The following MYOM2 variants were observed in gnomAD, a reference collection of about 807,000 sequenced individuals.
MYOM2 encodes the protein myomesin 2.
A neutral mutation model predicts 187.6 loss-of-function variants in MYOM2; 254 were observed. The observed-to-expected ratio is 1.35, with a 90% CI of 1.22 to 1.50. The LOEUF is 1.50. MYOM2 is among the 40% of genes most tolerant of loss of function. The pLI is 0.00. For synonymous variants in MYOM2, 981 were observed against 753.8 expected, an observed-to-expected ratio of 1.30 and a Z score of -4.94; for missense variants, 2,796 against 1,924.0, an observed-to-expected ratio of 1.45 and a Z score of -8.48.
At chr8:2,065,937 C>T (rs377518176) in intron 6 of MYOM2, among the ~76,000 whole-genome samples, 5 of 152,176 alleles carry the variant, frequency 3.3e-5, no homozygotes, top group Non-Finnish European at 7.3e-5. Flanking sequence ...GGGGGAGATT[C>T]CAGTTGAGAG....
intron 11 of MYOM2, 143 bp downstream of exon 11, chr8:2,076,425 A>G: frequency 8.9e-7 from 1 of 1,122,574 alleles, no homozygotes; most frequent in Non-Finnish European, 1.2e-6. Context: ...TGGTTGTATA[A>G]GTTCCTATTT....
At position 2,072,779 on chromosome 8, in the gene MYOM2, T is replaced by C. The variant is rs907915962; in HGVS notation, c.958+270T>C. Among the ~76,000 whole-genome samples the C allele has an allele frequency of 7.2e-5, 11 of 152,304 alleles. No individual in the cohort carries two copies. The South Asian group carries it at 2.3e-3, about 32-fold the overall frequency. ...TGACAGAAAGAATGATCTCGTGCCA[T>C]TTAGATTCAGTTTAATGCACATTAC... On this transcript the variant is annotated intron_variant, in intron 9 of 36. Coordinates refer to ENST00000262113, the MANE Select transcript of MYOM2 (RefSeq NM_003970.4).
intron 1 of MYOM2, among the ~76,000 whole-genome samples, chr8:2,047,573 C>T (rs553520271): frequency 2.9e-4 from 44 of 152,298 alleles, no homozygotes; most frequent in African/African-American, 8.9e-4. Flanking sequence ...TTGGCTGGCA[C>T]GTTGCAAGTG....
rs1818460671 is a variant in MYOM2, at chr8:2,050,855, A to G, written c.89A>G (p.Asp30Gly). The G allele has an allele frequency of 6.2e-7, 1 of 1,610,596 alleles. No homozygotes were observed. Among genetic ancestry groups the G allele is most frequent in the African/African-American group, 1.3e-5 (1 of 74,882 alleles). ...AATATTCAAACACGGTACCTGCTGG[A>G]CGAATATGCGTCAAAAAAGTAAGCT... ...YRNIQTRYLL[D>G]EYASKKRAST... Residue 30 changes from aspartate to glycine, a missense_variant, in exon 2 of 37, where the codon GAC becomes GGC. By Grantham distance (94) the Asp-to-Gly change is moderately conservative (BLOSUM62 -1). Transcript: ENST00000262113.
At chr8:2,080,379 C>T (rs796141792) in intron 13 of MYOM2, among the ~76,000 whole-genome samples, 1 of 152,200 alleles carries the variant, frequency 6.6e-6, no homozygotes, top group Non-Finnish European at 1.5e-5. Context: ...GATGGATCCC[C>T]AACTAGTATC....
intron 6 of MYOM2, among the ~76,000 whole-genome samples, chr8:2,066,951 C>G (rs760727865): frequency 2.0e-5 from 3 of 152,164 alleles, no homozygotes; most frequent in Non-Finnish European, 4.4e-5. Flanking sequence ...CCACGGTGAA[C>G]TAGAAGATAA....
At chr8:2,103,695 G>A (rs1238354364) in intron 21 of MYOM2, among the ~76,000 whole-genome samples, 1 of 151,472 alleles carries the variant, frequency 6.6e-6, no homozygotes, top group Non-Finnish European at 1.5e-5. Flanking sequence ...ATAAATGAGT[G>A]GGAGAGTGTG....
intron 8 of MYOM2, among the ~76,000 whole-genome samples, chr8:2,071,576 G>A (rs1204087739): frequency 6.6e-6 from 1 of 152,186 alleles, no homozygotes; most frequent in Non-Finnish European, 1.5e-5. Flanking sequence ...GTCTGGGGCT[G>A]AGGTTGGACT....
intron 32 of MYOM2, among the ~76,000 whole-genome samples, chr8:2,130,941 C>T (rs1040159478): frequency 7.9e-5 from 12 of 152,214 alleles, no homozygotes; most frequent in African/African-American, 2.9e-4. Context: ...GAGCTTCCTT[C>T]TTATTTACAG....
At chr8:2,057,575 G>A in intron 4 of MYOM2, 48 bp from the exon 5 acceptor site, 1 of 1,613,100 alleles carries the variant, frequency 6.2e-7, no homozygotes, top group East Asian at 2.2e-5. Flanking sequence ...CGAGGGTGGA[G>A]CTTGGCTCGC....
At chr8:2,113,475 G>A (rs1296115484) in intron 25 of MYOM2, among the ~76,000 whole-genome samples, 1 of 152,200 alleles carries the variant, frequency 6.6e-6, no homozygotes, top group Admixed American at 6.5e-5. Context: ...CTGGGGTGGG[G>A]CTTCTGTGCC....
chr8:2,051,604 A>G lies in MYOM2; in HGVS notation c.108-554A>G, dbSNP rs535988266. 1.3e-5 allele frequency among the ~76,000 whole-genome samples: 2 copies of G among 152,304 alleles called. 1 individual carries two copies. Among genetic ancestry groups the G allele is most frequent in the South Asian group, 4.1e-4 (2 of 4,832 alleles). On this transcript the variant is annotated intron_variant, in intron 2 of 36. Transcript: ENST00000262113. ...CATCCCTTGTGCCAAACAAAGCCAA[A>G]CATTTGCAGCCCCTCCCAGCAGCCT...
intron 32 of MYOM2, among the ~76,000 whole-genome samples, chr8:2,130,933 G>A (rs1049204657): frequency 5.9e-5 from 9 of 152,194 alleles, no homozygotes; most frequent in African/African-American, 1.9e-4. Context: ...GCATCTTTGA[G>A]CTTCCTTCTT....
At chr8:2,126,183 C>A (rs62478457) in intron 31 of MYOM2, among the ~76,000 whole-genome samples, 29,483 of 152,072 alleles carry the variant, frequency 0.19, 3,058 homozygotes, top group East Asian at 0.37. Flanking sequence ...AGAGATGCAG[C>A]GGCTGAGGGG....
rs980135880 is a variant in MYOM2, at chr8:2,115,988, C to G, written c.3209C>G (p.Thr1070Ser). Residue 1070 changes from threonine (T) to serine (S), a missense_variant, in exon 26 of 37, where the codon ACT becomes AGT. Coordinates refer to ENST00000262113, the MANE Select transcript of MYOM2 (RefSeq NM_003970.4). ...EIHRIKCDKA[T>S]GIIEMVMDRF... Reference sequence around the variant, plus strand: ...CACAGAATTAAATGTGACAAAGCTACTGGCATTATTGAGATGGTGATGGAT... The same window carrying G: ...CACAGAATTAAATGTGACAAAGCTAGTGGCATTATTGAGATGGTGATGGAT... 6 of 1,613,960 alleles carry G rather than the reference C, an allele frequency of 3.7e-6. No individual in the cohort carries two copies. Among genetic ancestry groups the G allele is most frequent in the Non-Finnish European group, 5.1e-6 (6 of 1,179,966 alleles).
intron 11 of MYOM2, among the ~76,000 whole-genome samples, chr8:2,077,432 G>GA (rs1174161349): frequency 6.6e-6 from 1 of 152,110 alleles, no homozygotes; most frequent in Non-Finnish European, 1.5e-5. Context: ...ATTATCTTAG[G>GA]AAAAAATGAG....
At chr8:2,059,961 C>G (rs1359143107) in intron 6 of MYOM2, among the ~76,000 whole-genome samples, 1 of 152,080 alleles carries the variant, frequency 6.6e-6, no homozygotes, top group Non-Finnish European at 1.5e-5. Flanking sequence ...AGGCTGGTCT[C>G]GAACTCCCGA....
At chr8:2,081,566 A>T (rs1819629897) in intron 13 of MYOM2, among the ~76,000 whole-genome samples, 2 of 152,222 alleles carry the variant, frequency 1.3e-5, no homozygotes, top group Admixed American at 6.5e-5. Flanking sequence ...CCACGGTGAG[A>T]AGGTGTAACT....
intron 10 of MYOM2, among the ~76,000 whole-genome samples, chr8:2,074,221 A>G (rs1474348294): frequency 2.0e-5 from 3 of 152,230 alleles, no homozygotes; most frequent in Non-Finnish European, 4.4e-5. Flanking sequence ...ACTTACATAA[A>G]CATCCATGTA....
Sources: allele counts gnomAD v4.1 joint callset (sites outside exome capture counted in the v4.1 genomes callset), GRCh38; gene constraint gnomAD v4.1.1; transcripts MANE v1.5; gene names NCBI Gene and HGNC (gene_info 2026-07-23, HGNC 2026-07-21).